Variants in EPHA8 observed in about 807,000 individuals in gnomAD.
The protein encoded by EPHA8 is ephrin type-A receptor 8.
Under a neutral mutation model 103.6 loss-of-function variants are expected in EPHA8, and 58 were observed. The observed-to-expected ratio is 0.56, with a 90% CI of 0.45 to 0.70. The LOEUF is 0.70. EPHA8 is among the 30% of genes least tolerant of loss of function. The pLI, the probability that EPHA8 is intolerant of heterozygous loss-of-function variation, is 0.00. For synonymous variants in EPHA8, 559 were observed against 572.5 expected (o/e 0.98, Z 0.34); for missense variants, 1,304 against 1,395.2 (o/e 0.93, Z 1.04).
rs749771471 is a variant in EPHA8 at position 22,601,412 on chromosome 1, C to T, written c.2842C>T (p.Arg948Ter). Residue 948 changes from arginine (R) to a stop codon, truncating the protein, a stop_gained, in exon 16 of 17, where the codon CGA (arginine) becomes TGA (stop). Coordinates refer to ENST00000166244, the MANE Select transcript of EPHA8 (RefSeq NM_020526.5). LOFTEE classifies it high-confidence loss of function. ...WLDSIRMGRY[R>*]DHFAAGGYSS... is the part of the protein sequence containing the mutation. ...GGACTCCATCCGCATGGGCCGGTAC[C>T]GAGACCACTTCGCTGCGGGCGGATA... The T allele has an allele frequency of 9.9e-6, 16 of 1,611,440 alleles. No individual in the cohort carries two copies. Among genetic ancestry groups the T allele is most frequent in the Middle Eastern group, 1.7e-4 (1 of 6,058 alleles).
intron 3 of EPHA8, among the ~76,000 whole-genome samples, chr1:22,577,855 C>CGTGT (rs10687386): frequency 0.36 from 33,534 of 93,606 alleles, 6,704 homozygotes; most frequent in African/African-American, 0.63. Context: ...TGTGTGCATG[C>CGTGT]GTATGTATGC....
At chr1:22,584,166 C>T (rs1329138996) in intron 3 of EPHA8, among the ~76,000 whole-genome samples, 1 of 152,182 alleles carries the variant, frequency 6.6e-6, no homozygotes, top group African/African-American at 2.4e-5. Flanking sequence ...ATGATGCCAC[C>T]CCCAGCGGCC....
At chr1:22,565,669 C>T (rs1214664457) in intron 1 of EPHA8, among the ~76,000 whole-genome samples, 1 of 152,162 alleles carries the variant, frequency 6.6e-6, no homozygotes, top group Non-Finnish European at 1.5e-5. Flanking sequence ...GAAGAGGGGG[C>T]TTGGACCAGG....
Position 22,600,990 on chromosome 1 carries a change from G to C in EPHA8, c.2631G>C (p.Lys877Asn). Residue 877 changes from lysine to asparagine, a missense_variant, in exon 15 of 17, where the codon AAG becomes AAC. By Grantham distance (94) the Lys-to-Asn change is moderately conservative. Transcript: ENST00000166244. Reference protein sequence around the residue: ...LHQLMLDCWHKDRAQRPRFSQ... With the variant: ...LHQLMLDCWHNDRAQRPRFSQ... Reference sequence around the variant, plus strand: ...AGCTCATGCTCGACTGTTGGCACAAGGACCGGGCGCAGCGGCCTCGCTTCT... The same window carrying C: ...AGCTCATGCTCGACTGTTGGCACAACGACCGGGCGCAGCGGCCTCGCTTCT... 1 of 1,612,990 alleles carries C rather than the reference G, an allele frequency of 6.2e-7. No homozygotes were observed. Among genetic ancestry groups the C allele is most frequent in the South Asian group, 1.1e-5 (1 of 91,072 alleles).
chr1:22,572,328 G>C (rs188542542), intron 2 of EPHA8, among the ~76,000 whole-genome samples: 10 of 152,236 alleles, frequency 6.6e-5, no homozygotes, highest in Non-Finnish European at 1.3e-4. Context: ...CATTTATAAC[G>C]TGGGGACAAT....
rs1332655399 is a variant in EPHA8 at position 22,602,778 on chromosome 1, G to GT, written c.*1037_*1038insT. Reference sequence around the variant, plus strand: ...CCCACCCCTTCCTGTAGCATATGGGGAGACTAAGGCCTGGAGAGAGGGGTG... The same window carrying GT: ...CCCACCCCTTCCTGTAGCATATGGGGTAGACTAAGGCCTGGAGAGAGGGGTG... On this transcript the variant is annotated 3_prime_UTR_variant, in exon 17 of 17. Transcript: ENST00000166244. 6.6e-6 allele frequency: 1 copy of GT among 152,428 alleles called. No individual in the cohort carries two copies. The highest frequency in any genetic ancestry group is 6.5e-5 in the Admixed American group (1 of 15,288). The allele number at this position is 152,428 out of a possible 1,614,324, so 9.4% of individuals were successfully genotyped here. A position where few individuals can be genotyped will look rare whatever the true frequency, so the allele number is the denominator to read the frequency against.
intron 9 of EPHA8, among the ~76,000 whole-genome samples, chr1:22,596,909 C>T (rs1050431289): frequency 1.7e-4 from 26 of 152,170 alleles, no homozygotes; most frequent in African/African-American, 5.6e-4. Flanking sequence ...CCGCCCGCCT[C>T]GGCCTCCTAA....
intron 3 of EPHA8, among the ~76,000 whole-genome samples, chr1:22,578,177 TGTGTGTGCGTGCATGTGTGTGCGTGCGA>T (rs1640821523): frequency 1.1e-5 from 1 of 89,094 alleles, no homozygotes; most frequent in South Asian, 5.1e-4. Context: ...TATGTGTGCA[TGTGTGTGCGTGCATGTGTGTGCGTGCGA>T]GTGTGTGCGT....
Position 22,567,506 on chromosome 1 carries a change from G to T in EPHA8, c.95-1783G>T, listed in dbSNP as rs1557549244. Among the ~76,000 whole-genome samples the T allele has an allele frequency of 6.6e-6, 1 of 152,052 alleles. No homozygotes were observed. The highest frequency in any genetic ancestry group is 1.5e-5 in the Non-Finnish European group (1 of 67,996). On this transcript the variant is annotated intron_variant, in intron 1 of 16. Coordinates refer to ENST00000166244, the MANE Select transcript of EPHA8 (RefSeq NM_020526.5). The surrounding 1 kb of genome is among the most constrained non-coding windows in gnomAD (Gnocchi z 4.2). The stretch of plus-strand genomic sequence containing the variant: ...TCTGCGGACATTCGCTGTGTCCCCT[G>T]ATCCCAAGTGGCCCCTGGGGACCCA...
At position 22,589,933 on chromosome 1, in the gene EPHA8, C is replaced by T. The variant is rs929439395; in HGVS notation, c.1315+727C>T. Among the ~76,000 whole-genome samples the T allele has an allele frequency of 2.6e-5, 4 of 152,084 alleles. No individual in the cohort carries two copies. The highest frequency in any genetic ancestry group is 5.9e-5 in the Non-Finnish European group (4 of 68,004). On this transcript the variant is annotated intron_variant, in intron 5 of 16. Coordinates refer to ENST00000166244, the MANE Select transcript of EPHA8 (RefSeq NM_020526.5). The surrounding 1 kb of genome is among the most constrained non-coding windows in gnomAD (Gnocchi z 4.3). Reference sequence around the variant, plus strand: ...GGCCTCGCAGACAATATGCCCACCACGTCACAGAGGAAGAAACTGAGGCCT... The same window carrying T: ...GGCCTCGCAGACAATATGCCCACCATGTCACAGAGGAAGAAACTGAGGCCT...
chr1:22,573,528 TCA>T (rs1434603149), intron 2 of EPHA8, among the ~76,000 whole-genome samples: 1 of 152,126 alleles, frequency 6.6e-6, no homozygotes, highest in African/African-American at 2.4e-5. Context: ...CCACAGGTTC[TCA>T]GAGCATCTGG....
intron 16 of EPHA8, 29 bp downstream of exon 16, chr1:22,601,502 T>G (rs748760318): frequency 8.8e-6 from 14 of 1,592,974 alleles, no homozygotes; most frequent in African/African-American, 1.4e-5. Context: ...TGGGGCCCCA[T>G]GCGTGTGGGG....
rs757343485 is a variant in EPHA8 at position 22,597,693 on chromosome 1, T to C, written c.1948T>C (p.Cys650Arg). The C allele has an allele frequency of 6.2e-7, 1 of 1,610,544 alleles. No individual in the cohort carries two copies. Among genetic ancestry groups the C allele is most frequent in the South Asian group, 1.1e-5 (1 of 90,856 alleles). Residue 650 changes from cysteine (C) to arginine (R), a missense_variant, in exon 11 of 17, where the codon TGC (cysteine) becomes CGC (arginine). By Grantham distance (180) the Cys-to-Arg change is radical. Transcript: ENST00000166244. The surrounding 1 kb of genome is among the most constrained non-coding windows in gnomAD (Gnocchi z 4.6). Reference protein sequence around the residue: ...IIGSGDSGEVCYGRLRVPGQR... With the variant: ...IIGSGDSGEVRYGRLRVPGQR... ...GCCTGCAGGAGACTCCGGGGAAGTC[T>C]GCTACGGGAGGCTGCGGGTGCCAGG...
chr1:22,597,635 C>T lies in EPHA8; in HGVS notation c.1931-41C>T. ...GGAGGCTGGGGGAGTCTGAGGGTCC[C>T]ACTGCCCTCCCTCCACACCTGCCCC... On this transcript the variant is annotated intron_variant, in intron 10 of 16. Coordinates refer to ENST00000166244, the MANE Select transcript of EPHA8 (RefSeq NM_020526.5). The surrounding 1 kb of genome is among the most constrained non-coding windows in gnomAD (Gnocchi z 4.6). 2 of 1,566,252 alleles carry T rather than the reference C, an allele frequency of 1.3e-6. No individual in the cohort carries two copies. Among genetic ancestry groups the T allele is most frequent in the Non-Finnish European group, 1.7e-6 (2 of 1,155,218 alleles).
At chr1:22,578,177 TG>T (rs1640821457) in intron 3 of EPHA8, among the ~76,000 whole-genome samples, 1 of 89,094 alleles carries the variant, frequency 1.1e-5, no homozygotes, top group Admixed American at 1.2e-4. Flanking sequence ...TATGTGTGCA[TG>T]TGTGTGCGTG....
chr1:22,572,713 G>T (rs1640578024), intron 2 of EPHA8, among the ~76,000 whole-genome samples: 1 of 152,254 alleles, frequency 6.6e-6, no homozygotes, highest in African/African-American at 2.4e-5. Flanking sequence ...GCCTCACCAA[G>T]CGCTGCACAG....
intron 2 of EPHA8, among the ~76,000 whole-genome samples, chr1:22,572,651 A>G (rs1640576673): frequency 6.6e-6 from 1 of 152,222 alleles, no homozygotes; most frequent in South Asian, 2.1e-4. Flanking sequence ...AGGAGCAGGC[A>G]TTTGCTACCC....
At chr1:22,600,140 AGG>A (rs1557584185) in intron 13 of EPHA8, among the ~76,000 whole-genome samples, 1 of 82,846 alleles carries the variant, frequency 1.2e-5, no homozygotes, top group African/African-American at 4.9e-5. Context: ...AGAAGGAAGG[AGG>A]AGGGAGGGAG....
Position 22,588,962 on chromosome 1 carries a change from C to G in EPHA8, c.1071C>G (p.Arg357=). 6.2e-7 allele frequency: 1 copy of G among 1,613,418 alleles called. No homozygotes were observed. The highest frequency in any genetic ancestry group is 1.1e-5 in the South Asian group (1 of 91,060). The part of the protein sequence containing the change: ...EWAPPLDPGG[R]SDITYNAVCR... ...CCCCTCCCCTGGACCCAGGTGGCCG[C>G]AGTGACATCACCTACAATGCCGTGT... The change falls in exon 5 of 17, where the codon CGC becomes CGG. Residue 357 remains arginine (R), a synonymous_variant. Transcript: ENST00000166244.
Sources: allele counts gnomAD v4.1 joint callset (sites outside exome capture counted in the v4.1 genomes callset), GRCh38; gene constraint gnomAD v4.1.1; non-coding constraint Gnocchi (gnomAD v3.1); transcripts MANE v1.5; gene names NCBI Gene and HGNC (gene_info 2026-07-23, HGNC 2026-07-21).